CREB3L1: variants seen among roughly 807,000 people sequenced by gnomAD.
CREB3L1 encodes cyclic AMP-responsive element-binding protein 3-like protein 1.
Under a neutral mutation model 54.5 loss-of-function variants are expected in CREB3L1, and 33 were observed. That is an observed-to-expected ratio of 0.61 (90% CI 0.46 to 0.81). The LOEUF (loss-of-function observed/expected upper bound fraction) is 0.81. Among genes scored for constraint, CREB3L1 ranks in the 30% least tolerant of loss-of-function variants. CREB3L1 has a pLI of 0.00. For synonymous variants in CREB3L1, 284 were observed against 286.4 expected, an observed-to-expected ratio of 0.99 and a Z score of 0.08; for missense variants, 656 against 673.3, an observed-to-expected ratio of 0.97 and a Z score of 0.29.
chr11:46,279,170 C>T (rs1042001223), intron 1 of CREB3L1, among the ~76,000 whole-genome samples: 29 of 152,200 alleles, frequency 1.9e-4, no homozygotes, highest in African/African-American at 5.8e-4. Context: ...CCTGTTCACA[C>T]GCCACACACA....
At position 46,292,262 on chromosome 11, in the gene CREB3L1, G is replaced by A. The variant is rs192605062; in HGVS notation, c.103-7673G>A. ...CAAACACATGGAAACTCTGCCTGGA[G>A]CAGAAGCAAGCTGGCATCAGAGCAA... On this transcript the variant is annotated intron_variant, in intron 1 of 11. Coordinates refer to ENST00000621158, the MANE Select transcript of CREB3L1 (RefSeq NM_052854.4). Among the ~76,000 whole-genome samples the A allele has an allele frequency of 6.6e-5, 10 of 152,348 alleles. No homozygotes were observed. In the East Asian group the frequency reaches 1.5e-3, roughly 24 times the overall value.
chr11:46,286,934 C>T (rs1252674676), intron 1 of CREB3L1, among the ~76,000 whole-genome samples: 1 of 152,216 alleles, frequency 6.6e-6, no homozygotes, highest in Non-Finnish European at 1.5e-5. Context: ...GAATCCACCC[C>T]ACTCTGGGGA....
chr11:46,296,148 C>T (rs1939207467), intron 1 of CREB3L1, among the ~76,000 whole-genome samples: 1 of 152,176 alleles, frequency 6.6e-6, no homozygotes, highest in African/African-American at 2.4e-5. Context: ...CTTGCTCTTG[C>T]TCCCCAATTT....
In CREB3L1 at chr11:46,278,659, C is replaced by T. The variant is rs1231445620; in HGVS notation, c.102+446C>T. Among the ~76,000 whole-genome samples the T allele has an allele frequency of 6.6e-6, 1 of 152,214 alleles. No individual in the cohort carries two copies. The highest frequency in any genetic ancestry group is 2.4e-5 in the African/African-American group (1 of 41,456). On this transcript the variant is annotated intron_variant, in intron 1 of 11. Coordinates refer to ENST00000621158, the MANE Select transcript of CREB3L1 (RefSeq NM_052854.4). The surrounding 1 kb of genome is among the most constrained non-coding windows in gnomAD (Gnocchi z 4.2). Reference sequence around the variant, plus strand: ...AACGTTCAGAGGGCCTGAGACCCGACCCCTCGGGGAAGCCAGGCCCAGAAA... The same window carrying T: ...AACGTTCAGAGGGCCTGAGACCCGATCCCTCGGGGAAGCCAGGCCCAGAAA...
At chr11:46,305,806 C>T (rs1181634722) in intron 2 of CREB3L1, among the ~76,000 whole-genome samples, 3 of 147,738 alleles carry the variant, frequency 2.0e-5, no homozygotes, top group South Asian at 2.2e-4. Context: ...GGCGCAATCT[C>T]GGCTCACTGC....
chr11:46,320,593 G>A, intron 11 of CREB3L1, 65 bp downstream of exon 11: 1 of 1,549,020 alleles, frequency 6.5e-7, no homozygotes, highest in South Asian at 1.2e-5. Context: ...CCCACCCTTG[G>A]TCCCCACATT....
intron 5 of CREB3L1, among the ~76,000 whole-genome samples, chr11:46,311,393 G>C (rs1939483369): frequency 6.6e-6 from 1 of 152,182 alleles, no homozygotes; most frequent in African/African-American, 2.4e-5. Context: ...GAGTGCAGTG[G>C]CTCAATCTCG....
chr11:46,312,217 C>G, intron 5 of CREB3L1, 108 bp from the exon 6 acceptor site: 1 of 899,492 alleles, frequency 1.1e-6, no homozygotes. Flanking sequence ...GAAACTGAGG[C>G]ATAGAGCATT....
At chr11:46,293,043 T>C (rs1049210381) in intron 1 of CREB3L1, among the ~76,000 whole-genome samples, 1 of 152,336 alleles carries the variant, frequency 6.6e-6, no homozygotes, top group Admixed American at 6.5e-5. Context: ...AGGAACTGGA[T>C]CTTGTTCATC....
At chr11:46,318,349 G>C (rs910737573) in intron 10 of CREB3L1, among the ~76,000 whole-genome samples, 2 of 152,206 alleles carry the variant, frequency 1.3e-5, no homozygotes, top group African/African-American at 4.8e-5. Flanking sequence ...TGTTTCCAAG[G>C]GGGATAGTAA....
At chr11:46,291,902 G>A (rs945216708) in intron 1 of CREB3L1, among the ~76,000 whole-genome samples, 3 of 152,192 alleles carry the variant, frequency 2.0e-5, no homozygotes, top group Admixed American at 6.5e-5. Flanking sequence ...GGCCAGGACC[G>A]CTGAGGATGT....
At chr11:46,311,624 C>T (rs113289268) in intron 5 of CREB3L1, among the ~76,000 whole-genome samples, 2,751 of 152,186 alleles carry the variant, frequency 0.018, 84 homozygotes, top group African/African-American at 0.062. Flanking sequence ...CTCAGCCTCC[C>T]GAGTAGCTGG....
intron 3 of CREB3L1, among the ~76,000 whole-genome samples, chr11:46,309,482 G>C (rs1939452726): frequency 6.6e-6 from 1 of 152,170 alleles, no homozygotes; most frequent in African/African-American, 2.4e-5. Context: ...AACCCATTAG[G>C]AGCTCTCATT....
At chr11:46,290,805 A>G (rs1247536611) in intron 1 of CREB3L1, among the ~76,000 whole-genome samples, 2 of 151,990 alleles carry the variant, frequency 1.3e-5, no homozygotes, top group Non-Finnish European at 2.9e-5. Context: ...GTGGGGAGGC[A>G]AGGAAGGTGG....
intron 1 of CREB3L1, among the ~76,000 whole-genome samples, chr11:46,285,532 T>C (rs1399107022): frequency 6.6e-6 from 1 of 152,170 alleles, no homozygotes; most frequent in Non-Finnish European, 1.5e-5. Flanking sequence ...TCAAAGGTAT[T>C]GATTTCTTTG....
At chr11:46,296,782 TG>T (rs1447231610) in intron 1 of CREB3L1, among the ~76,000 whole-genome samples, 6 of 152,188 alleles carry the variant, frequency 3.9e-5, no homozygotes, top group Non-Finnish European at 8.8e-5. Context: ...CCCTTCCACT[TG>T]GCTCCCGTTG....
chr11:46,312,234 C>A, intron 5 of CREB3L1, 91 bp from the exon 6 acceptor site: 2 of 1,132,768 alleles, frequency 1.8e-6, no homozygotes, highest in Non-Finnish European at 2.5e-6. Context: ...CATTGTGTGC[C>A]TTGCCCAGGT....
intron 8 of CREB3L1, chr11:46,315,695 G>A (rs59379166): frequency 0.015 from 2,716 of 175,314 alleles, 83 homozygotes; most frequent in African/African-American, 0.061. Context: ...GGTGGCGCAC[G>A]CCTGTAGTCT....
intron 1 of CREB3L1, among the ~76,000 whole-genome samples, chr11:46,281,581 G>C (rs1466159435): frequency 1.3e-5 from 2 of 152,232 alleles, no homozygotes; most frequent in Non-Finnish European, 2.9e-5. Flanking sequence ...GGGGAGGCCA[G>C]GTGTGGGAGT....
Sources: gnomAD v4.1 joint callset for allele counts (sites outside exome capture counted in the v4.1 genomes callset) on GRCh38, gnomAD v4.1.1 for gene constraint, Gnocchi (gnomAD v3.1) non-coding constraint, MANE v1.5 for transcripts, NCBI Gene and HGNC (gene_info 2026-07-23, HGNC 2026-07-21) for gene names.